NHLRC4: variants seen among roughly 807,000 people sequenced by gnomAD.
The protein encoded by NHLRC4 is NHL-repeat-containing protein 4.
For missense variants in NHLRC4, 158 were observed against 155.4 expected (o/e 1.02, Z -0.09); for synonymous variants, 73 against 69.0 (o/e 1.06, Z -0.29).
rs1406342901 is a variant in NHLRC4 at position 568,993 on chromosome 16, A to C, written c.*574A>C. ...AGCTTCTCTGGGCCTGGCAGAGGTAAGGGGGAGGCAACCCTGGAGTGTCTG... is the reference window on the plus strand; with the variant it reads ...AGCTTCTCTGGGCCTGGCAGAGGTACGGGGGAGGCAACCCTGGAGTGTCTG... On this transcript the variant is annotated 3_prime_UTR_variant, in exon 2 of 2. Transcript: ENST00000424439. 5.9e-6 allele frequency: 1 copy of C among 169,414 alleles called. No homozygotes were observed. Among genetic ancestry groups the C allele is most frequent in the African/African-American group, 2.4e-5 (1 of 41,460 alleles). 10.5% of individuals were successfully genotyped at this position (169,414 alleles called of 1,614,324 possible).
At position 569,135 on chromosome 16, in the gene NHLRC4, C is replaced by G. The variant is rs1328983718; in HGVS notation, c.*716C>G. On this transcript the variant is annotated 3_prime_UTR_variant, in exon 2 of 2. Coordinates refer to ENST00000424439, the MANE Select transcript of NHLRC4 (RefSeq NM_001301159.2). ...AACAGCTCCATGCTGTTTGTCCTCC[C>G]AGTGCAGCCGTGCTGGGAGGGTCTG... The G allele has an allele frequency of 6.0e-6, 1 of 166,948 alleles. No individual in the cohort carries two copies. Among genetic ancestry groups the G allele is most frequent in the Non-Finnish European group, 1.5e-5 (1 of 68,130 alleles). The allele number at this position is 166,948 out of a possible 1,614,324, so 10.3% of individuals were successfully genotyped here. A position where few individuals can be genotyped will look rare whatever the true frequency, so the allele number is the denominator to read the frequency against.
chr16:567,017 C>T lies in NHLRC4; in HGVS notation c.-636C>T, dbSNP rs902548888. On this transcript the variant is annotated 5_prime_UTR_variant, in exon 1 of 2. Coordinates refer to ENST00000424439, the MANE Select transcript of NHLRC4 (RefSeq NM_001301159.2). ...TCCCACTTCCTCCAGTTCTAGTTTC[C>T]AACAACAGAGGCTGCAGCCACCCAG... 25 of 154,718 alleles carry T rather than the reference C, an allele frequency of 1.6e-4. 1 individual carries two copies. Among genetic ancestry groups the T allele is most frequent in the African/African-American group, 6.0e-4 (25 of 41,498 alleles). 9.6% of individuals were successfully genotyped at this position (154,718 alleles called of 1,614,324 possible). A position where few individuals can be genotyped will look rare whatever the true frequency, so the allele number is the denominator to read the frequency against.
Position 567,769 on chromosome 16 carries a change from C to T in NHLRC4, c.-279C>T. ...GGAGGGACGCCCCATCTGCCTCCTG[C>T]CCTGCCGCACTCCGGGGAGCGGGGC... On this transcript the variant is annotated 5_prime_UTR_variant, in exon 2 of 2. Transcript: ENST00000424439. 2.3e-6 allele frequency: 1 copy of T among 431,808 alleles called. No individual in the cohort carries two copies. Among genetic ancestry groups the T allele is most frequent in the African/African-American group, 2.0e-5 (1 of 49,004 alleles). 26.7% of individuals were successfully genotyped at this position (431,808 alleles called of 1,614,324 possible).
rs1411002439 is a variant in NHLRC4, at chr16:569,338, G to C, written c.*919G>C. On this transcript the variant is annotated 3_prime_UTR_variant, in exon 2 of 2. Transcript: ENST00000424439. Reference sequence around the variant, plus strand: ...CCTGTATGGGGGAGGGAGCTGGGAGGGGACGGTGTCTGGCTCTACCCCTGT... The same window carrying C: ...CCTGTATGGGGGAGGGAGCTGGGAGCGGACGGTGTCTGGCTCTACCCCTGT... The C allele has an allele frequency of 6.0e-6, 1 of 167,032 alleles. No homozygotes were observed. The highest frequency in any genetic ancestry group is 1.9e-4 in the East Asian group (1 of 5,200). The allele number at this position is 167,032 out of a possible 1,614,324, so 10.3% of individuals were successfully genotyped here. A position where few individuals can be genotyped will look rare whatever the true frequency, so the allele number is the denominator to read the frequency against.
At chr16:567,189 G>A (rs893786983) in intron 1 of NHLRC4, 114 bp downstream of exon 1, 2 of 152,600 alleles carry the variant, frequency 1.3e-5, no homozygotes, top group African/African-American at 4.8e-5. Flanking sequence ...TCGGGTAGAA[G>A]GGCTGTGTGT....
rs1004121274 is a variant in NHLRC4, at chr16:567,964, C to T, written c.-84C>T. ...AGGGCTGGCTGTGGATGCCCTCAAC[C>T]GCCTCCTGGTGACGGACTACTTGCC... On this transcript the variant is annotated 5_prime_UTR_variant, in exon 2 of 2. Transcript: ENST00000424439. 3.5e-5 allele frequency: 49 copies of T among 1,403,332 alleles called. No homozygotes were observed. The highest frequency in any genetic ancestry group is 1.0e-4 in the South Asian group (7 of 67,508). 86.9% of individuals were successfully genotyped at this position (1,403,332 alleles called of 1,614,324 possible).
In NHLRC4 at chr16:568,690, A is replaced by G. The variant is rs2035571242; in HGVS notation, c.*271A>G. On this transcript the variant is annotated 3_prime_UTR_variant, in exon 2 of 2. Transcript: ENST00000424439. Reference sequence around the variant, plus strand: ...GCCAGGGCTGCTCTCTGCTGTCCCCATTCAGTGCCCTGGCCCCTGCATTCA... The same window carrying G: ...GCCAGGGCTGCTCTCTGCTGTCCCCGTTCAGTGCCCTGGCCCCTGCATTCA... The G allele has an allele frequency of 2.0e-6, 1 of 491,954 alleles. No homozygotes were observed. The highest frequency in any genetic ancestry group is 2.0e-5 in the African/African-American group (1 of 50,396). 30.5% of individuals were successfully genotyped at this position (491,954 alleles called of 1,614,324 possible).
chr16:568,874 T>TGGCTG lies in NHLRC4; in HGVS notation c.*469_*473dup, dbSNP rs901839559. 1.9e-4 allele frequency: 30 copies of TGGCTG among 160,882 alleles called. No homozygotes were observed. The highest frequency in any genetic ancestry group is 5.8e-4 in the Admixed American group (10 of 17,326). 10.0% of individuals were successfully genotyped at this position (160,882 alleles called of 1,614,324 possible). ...CGGGGGCAGACAGGCAGGGAGGGTG[T>TGGCTG]GGCTGGGCTGGGCTGGGCGGGGCGG... On this transcript the variant is annotated 3_prime_UTR_variant, in exon 2 of 2. Transcript: ENST00000424439.
chr16:568,535 C>A lies in NHLRC4; in HGVS notation c.*116C>A. Reference sequence around the variant, plus strand: ...GCCTCCAGGCTATGGGCATTGCCTGCCTGATGCCAGCACCACCTGGGCTGG... The same window carrying A: ...GCCTCCAGGCTATGGGCATTGCCTGACTGATGCCAGCACCACCTGGGCTGG... On this transcript the variant is annotated 3_prime_UTR_variant, in exon 2 of 2. Transcript: ENST00000424439. The A allele has an allele frequency of 8.5e-7, 1 of 1,171,000 alleles. No homozygotes were observed. The highest frequency in any genetic ancestry group is 1.6e-5 in the South Asian group (1 of 61,646). 72.5% of individuals were successfully genotyped at this position (1,171,000 alleles called of 1,614,324 possible).
In NHLRC4 at chr16:567,958, C is replaced by T. The variant is rs2035558206; in HGVS notation, c.-90C>T. The T allele has an allele frequency of 1.4e-6, 2 of 1,385,730 alleles. No homozygotes were observed. Among genetic ancestry groups the T allele is most frequent in the Non-Finnish European group, 1.9e-6 (2 of 1,049,824 alleles). 85.8% of individuals were successfully genotyped at this position (1,385,730 alleles called of 1,614,324 possible). ...TCCCCGAGGGCTGGCTGTGGATGCC[C>T]TCAACCGCCTCCTGGTGACGGACTA... On this transcript the variant is annotated 5_prime_UTR_variant, in exon 2 of 2. Coordinates refer to ENST00000424439, the MANE Select transcript of NHLRC4 (RefSeq NM_001301159.2).
Position 567,020 on chromosome 16 carries a change from C to G in NHLRC4, c.-633C>G, listed in dbSNP as rs1490035207. On this transcript the variant is annotated 5_prime_UTR_variant, in exon 1 of 2. Transcript: ENST00000424439. ...CACTTCCTCCAGTTCTAGTTTCCAACAACAGAGGCTGCAGCCACCCAGCCC... is the reference window on the plus strand; with the variant it reads ...CACTTCCTCCAGTTCTAGTTTCCAAGAACAGAGGCTGCAGCCACCCAGCCC... 6.5e-6 allele frequency: 1 copy of G among 154,722 alleles called. No individual in the cohort carries two copies. Among genetic ancestry groups the G allele is most frequent in the Non-Finnish European group, 1.5e-5 (1 of 68,252 alleles). 9.6% of individuals were successfully genotyped at this position (154,722 alleles called of 1,614,324 possible).
Position 568,341 on chromosome 16 carries a change from A to T in NHLRC4, c.294A>T (p.Ala98=). ...GGCAGCCCTTGGGAGTGGCCTGTGC[A>T]CCCCAGGGCCAGCTCCTGGTGGCTG... ...GLGQPLGVAC[A]PQGQLLVADA... Residue 98 remains alanine, a synonymous_variant, in exon 2 of 2, where the codon GCA becomes GCT. Transcript: ENST00000424439. The T allele has an allele frequency of 6.2e-7, 1 of 1,611,244 alleles. No homozygotes were observed. The highest frequency in any genetic ancestry group is 8.5e-7 in the Non-Finnish European group (1 of 1,179,290).
At position 567,748 on chromosome 16, in the gene NHLRC4, G is replaced by T; in HGVS notation, c.-300G>T. On this transcript the variant is annotated 5_prime_UTR_variant, in exon 2 of 2. Transcript: ENST00000424439. The stretch of plus-strand genomic sequence containing the variant: ...CTGTGTCCACGTGCTAGATCTGGAG[G>T]GACGCCCCATCTGCCTCCTGCCCTG... The T allele has an allele frequency of 2.6e-6, 1 of 381,924 alleles. No homozygotes were observed. Among genetic ancestry groups the T allele is most frequent in the Admixed American group, 4.3e-5 (1 of 23,110 alleles). 23.7% of individuals were successfully genotyped at this position (381,924 alleles called of 1,614,324 possible).
Position 568,716 on chromosome 16 carries a change from T to G in NHLRC4, c.*297T>G. The G allele has an allele frequency of 2.5e-6, 1 of 394,490 alleles. No individual in the cohort carries two copies. Among genetic ancestry groups the G allele is most frequent in the Non-Finnish European group, 4.6e-6 (1 of 216,426 alleles). 24.4% of individuals were successfully genotyped at this position (394,490 alleles called of 1,614,324 possible). A position where few individuals can be genotyped will look rare whatever the true frequency, so the allele number is the denominator to read the frequency against. On this transcript the variant is annotated 3_prime_UTR_variant, in exon 2 of 2. Transcript: ENST00000424439. ...TTCAGTGCCCTGGCCCCTGCATTCA[T>G]GCCCCCCACACCCCCTCAGGCCCTG...
At chr16:567,407 G>T (rs901440905) in intron 1 of NHLRC4, 64 bp from the exon 2 acceptor site, 1 of 153,194 alleles carries the variant, frequency 6.5e-6, no homozygotes, top group Non-Finnish European at 1.5e-5. Context: ...AGACCCTCAG[G>T]ACCAGGAGGA....
In NHLRC4 at chr16:568,119, TGG is replaced by T; in HGVS notation, c.75_76del (p.Asp26CysfsTer81). 1 of 1,595,776 alleles carries T rather than the reference TGG, an allele frequency of 6.3e-7. No individual in the cohort carries two copies. The highest frequency in any genetic ancestry group is 8.5e-7 in the Non-Finnish European group (1 of 1,170,966). ...DGGLAVSEEF[G>X]DVRLFGSARQ... ...GGGGCCTTGCTGTGAGTGAGGAGTTTGGGGATGTGAGGCTGTTTGGCAGTGCC... is the reference window on the plus strand; with the variant it reads ...GGGGCCTTGCTGTGAGTGAGGAGTTTGGATGTGAGGCTGTTTGGCAGTGCC... On this transcript the variant is annotated frameshift_variant, in exon 2 of 2. Coordinates refer to ENST00000424439, the MANE Select transcript of NHLRC4 (RefSeq NM_001301159.2). LOFTEE classifies it low-confidence loss of function (END_TRUNC).
chr16:568,340 C>T lies in NHLRC4; in HGVS notation c.293C>T (p.Ala98Val), dbSNP rs201072008. ...GLGQPLGVAC[A>V]PQGQLLVADA... ...GGGCAGCCCTTGGGAGTGGCCTGTG[C>T]ACCCCAGGGCCAGCTCCTGGTGGCT... Residue 98 changes from alanine (A) to valine (V), a missense_variant, in exon 2 of 2, where the codon GCA becomes GTA. Transcript: ENST00000424439. 5.8e-5 allele frequency: 94 copies of T among 1,611,290 alleles called. No homozygotes were observed. In the African/African-American group the frequency reaches 8.1e-4, roughly 14 times the overall value.
Position 567,610 on chromosome 16 carries a change from C to G in NHLRC4, c.-438C>G, listed in dbSNP as rs942753246. On this transcript the variant is annotated 5_prime_UTR_variant, in exon 2 of 2. Transcript: ENST00000424439. ...CCCACCTGGAGACTCCACGGGCTCC[C>G]GGCAGCTCCGGCTGCTTGGGTGGAT... 1 of 171,556 alleles carries G rather than the reference C, an allele frequency of 5.8e-6. No individual in the cohort carries two copies. Among genetic ancestry groups the G allele is most frequent in the African/African-American group, 2.4e-5 (1 of 41,732 alleles). 10.6% of individuals were successfully genotyped at this position (171,556 alleles called of 1,614,324 possible). A position where few individuals can be genotyped will look rare whatever the true frequency, so the allele number is the denominator to read the frequency against.
In NHLRC4 at chr16:567,862, G is replaced by A; in HGVS notation, c.-186G>A. 1 of 598,904 alleles carries A rather than the reference G, an allele frequency of 1.7e-6. No individual in the cohort carries two copies. Among genetic ancestry groups the A allele is most frequent in the Non-Finnish European group, 2.8e-6 (1 of 351,604 alleles). The allele number at this position is 598,904 out of a possible 1,614,324, so 37.1% of individuals were successfully genotyped here. Reference sequence around the variant, plus strand: ...GGTGGTCAGCGATCCCATCCATGGGGCTGTCCATGCACTCCAGCACACAGC... The same window carrying A: ...GGTGGTCAGCGATCCCATCCATGGGACTGTCCATGCACTCCAGCACACAGC... On this transcript the variant is annotated 5_prime_UTR_variant, in exon 2 of 2. Transcript: ENST00000424439.
Sources: gnomAD v4.1 joint callset for allele counts on GRCh38, gnomAD v4.1.1 for gene constraint, MANE v1.5 for transcripts, NCBI Gene and HGNC (gene_info 2026-07-23, HGNC 2026-07-21) for gene names.